The following FERMT2 variants were observed in gnomAD, a reference collection of about 807,000 sequenced individuals.
FERMT2 encodes fermitin family homolog 2.
In FERMT2, 15 loss-of-function variants were observed where a neutral mutation model predicts 82.7. The ratio of observed to expected loss-of-function variants is 0.18; its 90% CI spans 0.12 to 0.28. The LOEUF (loss-of-function observed/expected upper bound fraction) is 0.28. FERMT2 is among the 10% of genes least tolerant of loss of function. FERMT2 has a pLI of 1.00. For synonymous variants in FERMT2, 274 were observed against 271.5 expected, an observed-to-expected ratio of 1.01 and a Z score of -0.09; for missense variants, 645 against 809.4, an observed-to-expected ratio of 0.80 and a Z score of 2.46.
chr14:52,910,103 G>A (rs1211501350), intron 3 of FERMT2, among the ~76,000 whole-genome samples: 2 of 152,088 alleles, frequency 1.3e-5, no homozygotes, highest in African/African-American at 4.8e-5. Flanking sequence ...AATCTTTATT[G>A]TTACCACTAA....
chr14:52,877,520 T>C (rs1886034915), intron 7 of FERMT2, among the ~76,000 whole-genome samples: 1 of 151,860 alleles, frequency 6.6e-6, no homozygotes, highest in Non-Finnish European at 1.5e-5. Flanking sequence ...TTGTCTATGC[T>C]TCTTTGCCAC....
chr14:52,881,296 C>T lies in FERMT2; in HGVS notation c.700G>A (p.Ala234Thr). 2 of 1,613,910 alleles carry T rather than the reference C, an allele frequency of 1.2e-6. No homozygotes were observed. The highest frequency in any genetic ancestry group is 1.1e-5 in the South Asian group (1 of 91,074). The change falls in exon 5 of 15, where the codon GCA (alanine) becomes ACA (threonine). Residue 234 changes from alanine (A) to threonine (T), a missense_variant. Coordinates refer to ENST00000341590, the MANE Select transcript of FERMT2 (RefSeq NM_006832.3). ...SQPITSPEIL[A>T]KMFKPQALLD... ...AGAGCTTGAGGCTTGAACATTTTTG[C>T]CAAGATTTCTGGTGACGTGATTGGT...
chr14:52,873,831 A>G (rs1337011149), intron 9 of FERMT2: 1 of 184,960 alleles, frequency 5.4e-6, no homozygotes, highest in Non-Finnish European at 1.1e-5. Flanking sequence ...GAACGAGGAA[A>G]TAATCGCTGG....
At chr14:52,892,125 C>T (rs774580202) in intron 4 of FERMT2, among the ~76,000 whole-genome samples, 7 of 150,282 alleles carry the variant, frequency 4.7e-5, no homozygotes, top group South Asian at 2.1e-4. Flanking sequence ...TAGGAAGGCC[C>T]GGAAACCAGA....
chr14:52,865,779 A>C (rs1439294725), intron 10 of FERMT2, among the ~76,000 whole-genome samples: 2 of 152,340 alleles, frequency 1.3e-5, no homozygotes, highest in East Asian at 3.9e-4. Context: ...ACAAATGTTA[A>C]AATTGTCATT....
chr14:52,873,679 CCT>C (rs1371881223), intron 9 of FERMT2: 1 of 152,458 alleles, frequency 6.6e-6, no homozygotes, highest in East Asian at 1.9e-4. Context: ...TCCTTTTTCT[CCT>C]CTCTGCCTTA....
chr14:52,890,279 C>A (rs1369629341), intron 4 of FERMT2, among the ~76,000 whole-genome samples: 1 of 150,862 alleles, frequency 6.6e-6, no homozygotes, highest in East Asian at 2.0e-4. Flanking sequence ...CCCATCTCTA[C>A]TAAAAATACA....
chr14:52,902,114 C>T (rs1465453644), intron 3 of FERMT2, among the ~76,000 whole-genome samples: 1 of 152,142 alleles, frequency 6.6e-6, no homozygotes, highest in Non-Finnish European at 1.5e-5. Context: ...AATGAGAGGC[C>T]GGGCACGGTG....
chr14:52,866,655 T>C (rs1472832504), intron 10 of FERMT2, among the ~76,000 whole-genome samples: 2 of 152,164 alleles, frequency 1.3e-5, no homozygotes, highest in Non-Finnish European at 2.9e-5. Flanking sequence ...TATGCTTGCA[T>C]CCTTCTGTGC....
At chr14:52,891,415 A>G (rs1886926158) in intron 4 of FERMT2, among the ~76,000 whole-genome samples, 1 of 152,178 alleles carries the variant, frequency 6.6e-6, no homozygotes, top group South Asian at 2.1e-4. Flanking sequence ...CTTAAGAGTA[A>G]GGATTGTCTT....
chr14:52,889,621 G>A (rs545942555), intron 4 of FERMT2, among the ~76,000 whole-genome samples: 1 of 152,148 alleles, frequency 6.6e-6, no homozygotes, highest in African/African-American at 2.4e-5. Context: ...GTCGTTAAGG[G>A]ATTTCACTGT....
chr14:52,889,059 A>G (rs1886776250), intron 4 of FERMT2, among the ~76,000 whole-genome samples: 1 of 152,170 alleles, frequency 6.6e-6, no homozygotes, highest in African/African-American at 2.4e-5. Context: ...CTGGGCTTAC[A>G]GCTCAGCTCT....
chr14:52,900,854 G>A (rs183643796), intron 3 of FERMT2, among the ~76,000 whole-genome samples: 3 of 152,132 alleles, frequency 2.0e-5, no homozygotes, highest in South Asian at 2.1e-4. Context: ...TAGCCCTAGG[G>A]AAAAGATCTT....
At chr14:52,902,160 A>G (rs562110884) in intron 3 of FERMT2, among the ~76,000 whole-genome samples, 1 of 152,152 alleles carries the variant, frequency 6.6e-6, no homozygotes, top group Admixed American at 6.5e-5. Context: ...TGGGAGGCCG[A>G]GGTGGGTGGA....
At chr14:52,935,132 T>C (rs1019519997) in intron 2 of FERMT2, among the ~76,000 whole-genome samples, 3 of 152,188 alleles carry the variant, frequency 2.0e-5, no homozygotes, top group African/African-American at 7.2e-5. Context: ...ATTTAATAAG[T>C]AAACGTGCAA....
At chr14:52,931,526 G>A (rs988942002) in intron 2 of FERMT2, among the ~76,000 whole-genome samples, 8 of 152,142 alleles carry the variant, frequency 5.3e-5, no homozygotes, top group African/African-American at 1.9e-4. Context: ...GTGAAGAGAA[G>A]GAGGCAAATA....
chr14:52,870,269 G>A (rs1885535751), intron 10 of FERMT2, among the ~76,000 whole-genome samples: 1 of 145,768 alleles, frequency 6.9e-6, no homozygotes, highest in African/African-American at 2.5e-5. Context: ...TTTTTTTGGA[G>A]ACGGAGTTTC....
chr14:52,938,617 A>G (rs1190108432), intron 2 of FERMT2, among the ~76,000 whole-genome samples: 3 of 152,138 alleles, frequency 2.0e-5, no homozygotes, highest in African/African-American at 7.2e-5. Flanking sequence ...ACCAGGCTGG[A>G]GTACAGTGGT....
chr14:52,914,645 C>G (rs1400565412), intron 3 of FERMT2, among the ~76,000 whole-genome samples: 1 of 151,806 alleles, frequency 6.6e-6, no homozygotes, highest in Non-Finnish European at 1.5e-5. Context: ...GAAGGCCGGG[C>G]ATGGTGGCTC....
Sources: allele counts gnomAD v4.1 joint callset (sites outside exome capture counted in the v4.1 genomes callset), GRCh38; gene constraint gnomAD v4.1.1; transcripts MANE v1.5; gene names NCBI Gene and HGNC (gene_info 2026-07-23, HGNC 2026-07-21).